CSMD3: variants seen among roughly 807,000 people sequenced by gnomAD.
CSMD3 encodes CUB and sushi domain-containing protein 3.
CSMD3 carries 177 observed loss-of-function variants against 435.2 expected under a neutral mutation model. The ratio of observed to expected loss-of-function variants is 0.41; its 90% CI spans 0.36 to 0.46. The LOEUF (loss-of-function observed/expected upper bound fraction) is 0.46, where lower values mean the gene tolerates loss of function less well. Ranked by LOEUF, CSMD3 falls within the 20% of genes least tolerant of loss-of-function variation. The pLI, the probability that CSMD3 is intolerant of heterozygous loss-of-function variation, is 0.34. For missense variants in CSMD3, 4,265 were observed against 4,504.6 expected, an observed-to-expected ratio of 0.95 and a Z score of 1.52; for synonymous variants, 1,656 against 1,520.5, an observed-to-expected ratio of 1.09 and a Z score of -2.07.
chr8:113,271,476 G>A (rs535003428), intron 3 of CSMD3, among the ~76,000 whole-genome samples: 1 of 152,206 alleles, frequency 6.6e-6, no homozygotes, highest in South Asian at 2.1e-4. Flanking sequence ...GTACAGCTCG[G>A]GCCATGGTTT....
At position 112,229,156 on chromosome 8, in the gene CSMD3, T is replaced by C. The variant is rs541564584; in HGVS notation, c.10829-265A>G. Among the ~76,000 whole-genome samples the C allele has an allele frequency of 1.8e-3, 275 of 152,212 alleles. 1 individual carries two copies. Among genetic ancestry groups the C allele is most frequent in the African/African-American group, 6.2e-3 (256 of 41,546 alleles). ...GTTTATACAATAGTGGGAAGACATATGGAGTATATAATAAGTGTGTATATC... is the reference window on the plus strand; with the variant it reads ...GTTTATACAATAGTGGGAAGACATACGGAGTATATAATAAGTGTGTATATC... On this transcript the variant is annotated intron_variant, in intron 69 of 70. Transcript: ENST00000297405.
At chr8:112,352,056 T>A (rs1826183200) in intron 39 of CSMD3, among the ~76,000 whole-genome samples, 1 of 152,104 alleles carries the variant, frequency 6.6e-6, no homozygotes, top group African/African-American at 2.4e-5. Flanking sequence ...CCCTTTATTT[T>A]CAAATTCTAA....
intron 3 of CSMD3, among the ~76,000 whole-genome samples, chr8:113,185,461 G>A (rs1016775552): frequency 2.0e-5 from 3 of 152,012 alleles, no homozygotes; most frequent in Non-Finnish European, 2.9e-5. Context: ...GAAAAACTGA[G>A]GAAAATCTAG....
intron 1 of CSMD3, among the ~76,000 whole-genome samples, chr8:113,430,637 A>T (rs374836421): frequency 6.6e-6 from 1 of 152,200 alleles, no homozygotes; most frequent in Non-Finnish European, 1.5e-5. Flanking sequence ...ATTGCTAAAA[A>T]GTTTTTAGAG....
chr8:112,322,154 T>C (rs1177406030), intron 45 of CSMD3, among the ~76,000 whole-genome samples: 6 of 152,142 alleles, frequency 3.9e-5, no homozygotes, highest in Non-Finnish European at 8.8e-5. Context: ...TGTGTTTTTC[T>C]GTGAAGTTAT....
In CSMD3 at chr8:112,435,857, T is replaced by C. The variant is rs1040289671; in HGVS notation, c.5396-26825A>G. Among the ~76,000 whole-genome samples, 10 of 152,186 alleles carry C rather than the reference T, an allele frequency of 6.6e-5. No homozygotes were observed. In the East Asian group the frequency reaches 1.9e-3, roughly 29 times the overall value. ...AGTTGTCACTGCTAATTGGTAGAGA[T>C]ACAATCTTGATTATTTCTCAAAAAC... On this transcript the variant is annotated intron_variant, in intron 32 of 70. Coordinates refer to ENST00000297405, the MANE Select transcript of CSMD3 (RefSeq NM_198123.2).
intron 1 of CSMD3, among the ~76,000 whole-genome samples, chr8:113,323,306 G>C (rs907608491): frequency 9.9e-5 from 15 of 152,108 alleles, no homozygotes; most frequent in African/African-American, 3.6e-4. Flanking sequence ...TAAAAAGAAT[G>C]AATAGATAAA....
intron 10 of CSMD3, among the ~76,000 whole-genome samples, chr8:112,881,743 T>C (rs1285285588): frequency 6.6e-6 from 1 of 151,806 alleles, no homozygotes; most frequent in Non-Finnish European, 1.5e-5. Context: ...AATATTCCCC[T>C]AAAGTGGCAT....
At chr8:113,250,046 G>A (rs190481652) in intron 3 of CSMD3, among the ~76,000 whole-genome samples, 25 of 152,120 alleles carry the variant, frequency 1.6e-4, no homozygotes, top group African/African-American at 5.8e-4. Context: ...ACAAATCACA[G>A]GTTCTTTTCT....
At chr8:113,133,576 T>G (rs2091340293) in intron 4 of CSMD3, among the ~76,000 whole-genome samples, 2 of 152,132 alleles carry the variant, frequency 1.3e-5, no homozygotes, top group South Asian at 4.1e-4. Context: ...ATCCCACTTG[T>G]GGGTTTATCT....
intron 18 of CSMD3, among the ~76,000 whole-genome samples, chr8:112,650,580 C>T (rs1032398451): frequency 1.3e-5 from 2 of 152,084 alleles, no homozygotes; most frequent in Non-Finnish European, 2.9e-5. Context: ...AAATGTATAA[C>T]TATCTGTAAA....
chr8:112,556,707 G>T, intron 25 of CSMD3, 56 bp downstream of exon 25: 1 of 1,428,556 alleles, frequency 7.0e-7, no homozygotes, highest in Non-Finnish European at 9.9e-7. Context: ...AAAATGCAAA[G>T]AATTTGATAA....
At chr8:112,819,305 A>ATGGAGT (rs1358050815) in intron 12 of CSMD3, among the ~76,000 whole-genome samples, 1 of 152,140 alleles carries the variant, frequency 6.6e-6, no homozygotes, top group Admixed American at 6.6e-5. Context: ...GTTATGATGA[A>ATGGAGT]TGGAGTTGAA....
chr8:112,420,540 T>C (rs975795353), intron 32 of CSMD3, among the ~76,000 whole-genome samples: 3 of 152,190 alleles, frequency 2.0e-5, no homozygotes, highest in Non-Finnish European at 2.9e-5. Context: ...TTTCATTCGA[T>C]TGATGTGTTG....
intron 31 of CSMD3, among the ~76,000 whole-genome samples, chr8:112,488,727 T>C (rs1820391632): frequency 6.6e-6 from 1 of 152,180 alleles, no homozygotes. Context: ...ATCACTAGAA[T>C]AACCCCAAAT....
intron 13 of CSMD3, among the ~76,000 whole-genome samples, chr8:112,744,113 A>G (rs918903374): frequency 1.3e-5 from 2 of 152,108 alleles, no homozygotes; most frequent in East Asian, 1.9e-4. Context: ...ATTGTCTCAG[A>G]TGTACTTCTG....
At chr8:112,673,219 C>T (rs2075697547) in intron 16 of CSMD3, among the ~76,000 whole-genome samples, 1 of 151,400 alleles carries the variant, frequency 6.6e-6, no homozygotes. Flanking sequence ...TAAGTAATCA[C>T]CAGGTCTCTC....
intron 23 of CSMD3, among the ~76,000 whole-genome samples, chr8:112,576,020 A>G (rs2131311355): frequency 6.6e-6 from 1 of 151,940 alleles, no homozygotes; most frequent in African/African-American, 2.4e-5. Context: ...TCACCAACAT[A>G]TAATTTAATT....
intron 14 of CSMD3, among the ~76,000 whole-genome samples, chr8:112,689,273 C>G (rs1041057594): frequency 6.6e-6 from 1 of 151,960 alleles, no homozygotes; most frequent in Non-Finnish European, 1.5e-5. Flanking sequence ...TTGAGCACAC[C>G]AAGTGCGTGA....
Sources: allele counts gnomAD v4.1 joint callset (sites outside exome capture counted in the v4.1 genomes callset), GRCh38; gene constraint gnomAD v4.1.1; transcripts MANE v1.5; gene names NCBI Gene and HGNC (gene_info 2026-07-23, HGNC 2026-07-21).